PI3: variants seen among roughly 807,000 people sequenced by gnomAD.
PI3 encodes elafin.
In PI3, 4 loss-of-function variants were observed where a neutral mutation model predicts 6.0. The observed-to-expected ratio is 0.67, with a 90% confidence interval of 0.33 to 1.54. The LOEUF (loss-of-function observed/expected upper bound fraction) is 1.54. Among genes scored for constraint, PI3 ranks in the 40% most tolerant of loss-of-function variants. The pLI is 0.06. For missense variants in PI3, 149 were observed against 147.6 expected, an observed-to-expected ratio of 1.01 and a Z score of -0.05; for synonymous variants, 58 against 56.9, an observed-to-expected ratio of 1.02 and a Z score of -0.09.
chr20:45,175,883 T>C lies in PI3; in HGVS notation c.102T>C (p.Thr34=), dbSNP rs143890191. 2.6e-5 allele frequency: 42 copies of C among 1,614,088 alleles called. No homozygotes were observed. The highest frequency in any genetic ancestry group is 3.4e-5 in the Non-Finnish European group (40 of 1,179,948). Residue 34 remains threonine, a synonymous_variant, in exon 2 of 3, where the codon ACT becomes ACC. Transcript: ENST00000243924. ...CAGTTCCTGTTAAAGGTCAAGACAC[T>C]GTCAAAGGCCGTGTTCCATTCAATG... ...VTGVPVKGQD[T]VKGRVPFNGQ...
Position 45,176,072 on chromosome 20 carries a change from C to A in PI3, c.291C>A (p.Asp97Glu), listed in dbSNP as rs760131727. 5 of 1,614,168 alleles carry A rather than the reference C, an allele frequency of 3.1e-6. No homozygotes were observed. Among genetic ancestry groups the A allele is most frequent in the Non-Finnish European group, 4.2e-6 (5 of 1,180,022 alleles). The change falls in exon 2 of 3, where the codon GAC (aspartate) becomes GAA (glutamate). Residue 97 changes from aspartate (D) to glutamate (E), a missense_variant. By Grantham distance (45) the Asp-to-Glu change is conservative. Coordinates refer to ENST00000243924, the MANE Select transcript of PI3 (RefSeq NM_002638.4). Reference sequence around the variant, plus strand: ...CTAACCGCTGCTTGAAAGATACTGACTGCCCAGGAATCAAGAAGTGCTGTG... The same window carrying A: ...CTAACCGCTGCTTGAAAGATACTGAATGCCCAGGAATCAAGAAGTGCTGTG... ...NPPNRCLKDT[D>E]CPGIKKCCEG...
intron 1 of PI3, among the ~76,000 whole-genome samples, chr20:45,175,640 G>A (rs1982774585): frequency 6.6e-6 from 1 of 152,098 alleles, no homozygotes; most frequent in African/African-American, 2.4e-5. Flanking sequence ...GGAGGAAGGG[G>A]GAAGAAACAA....
At chr20:45,175,145 C>T in intron 1 of PI3, 144 bp downstream of exon 1, 2 of 560,434 alleles carry the variant, frequency 3.6e-6, no homozygotes, top group African/African-American at 3.9e-5. Flanking sequence ...CCATCATATT[C>T]AGAAAAAATA....
At chr20:45,176,188 G>A (rs1342958518) in intron 2 of PI3, 52 bp downstream of exon 2, 2 of 1,582,964 alleles carry the variant, frequency 1.3e-6, no homozygotes, top group African/African-American at 1.3e-5. Context: ...AAAGAAGGCT[G>A]AGCGGTGGGG....
chr20:45,176,031 G>T lies in PI3; in HGVS notation c.250G>T (p.Ala84Ser), dbSNP rs780306943. 7.9e-5 allele frequency: 127 copies of T among 1,613,996 alleles called. No homozygotes were observed. In the Middle Eastern group the frequency reaches 1.2e-3, roughly 15 times the overall value. ...CTGCCCCATTATCTTGATCCGGTGC[G>T]CCATGTTGAATCCCCCTAACCGCTG... is the stretch of plus-strand genomic sequence containing the variant. ...GSCPIILIRC[A>S]MLNPPNRCLK... is the part of the protein sequence containing the mutation. The change falls in exon 2 of 3, where the codon GCC (alanine) becomes TCC (serine). Residue 84 changes from alanine (A) to serine (S), a missense_variant. Transcript: ENST00000243924.
chr20:45,175,978 A>G lies in PI3; in HGVS notation c.197A>G (p.Lys66Arg). The G allele has an allele frequency of 6.2e-7, 1 of 1,614,192 alleles. No individual in the cohort carries two copies. The change falls in exon 2 of 3, where the codon AAA (lysine) becomes AGA (arginine). Residue 66 changes from lysine to arginine, a missense_variant. Physicochemically the swap from Lys to Arg is conservative, Grantham distance 26. Coordinates refer to ENST00000243924, the MANE Select transcript of PI3 (RefSeq NM_002638.4). ...AAAGTCAAAGCGCAAGAGCCAGTCA[A>G]AGGTCCAGTCTCCACTAAGCCTGGC... The part of the protein sequence containing the change: ...QDKVKAQEPV[K>R]GPVSTKPGSC...
chr20:45,175,811 AAGC>A (rs1568818150), intron 1 of PI3, 47 bp from the exon 2 acceptor site: 3 of 1,590,378 alleles, frequency 1.9e-6, no homozygotes, highest in Non-Finnish European at 8.6e-7. Context: ...ATGGCAGCTG[AAGC>A]AGAGGCTTAC....
chr20:45,175,073 C>A (rs972287571), intron 1 of PI3, 72 bp downstream of exon 1: 4 of 1,170,726 alleles, frequency 3.4e-6, no homozygotes, highest in East Asian at 2.5e-5. Flanking sequence ...TGGGCCAGGA[C>A]AGGGAGCACT....
intron 2 of PI3, 104 bp from the exon 3 acceptor site, chr20:45,176,266 G>A: frequency 1.2e-6 from 1 of 843,010 alleles, no homozygotes; most frequent in African/African-American, 1.7e-5. Context: ...TGAGGGGTCT[G>A]AGAGGCTATA....
rs2145560263 is a variant in PI3 at position 45,176,098 on chromosome 20, A to G, written c.317A>G (p.Glu106Gly). 6.2e-7 allele frequency: 1 copy of G among 1,614,168 alleles called. No homozygotes were observed. Among genetic ancestry groups the G allele is most frequent in the African/African-American group, 1.3e-5 (1 of 75,046 alleles). The change falls in exon 2 of 3, where the codon GAA becomes GGA. Residue 106 changes from glutamate to glycine, a missense_variant. Transcript: ENST00000243924. ...TGCCCAGGAATCAAGAAGTGCTGTG[A>G]AGGCTCTTGCGGGATGGCCTGTTTC... Reference protein sequence around the residue: ...TDCPGIKKCCEGSCGMACFVP... With the variant: ...TDCPGIKKCCGGSCGMACFVP...
At chr20:45,175,746 A>G (rs1982776844) in intron 1 of PI3, 115 bp from the exon 2 acceptor site, 1 of 1,080,520 alleles carries the variant, frequency 9.3e-7, no homozygotes, top group Non-Finnish European at 1.4e-6. Context: ...TACTCAGGCC[A>G]TGGTTTGAGG....
intron 1 of PI3, 56 bp from the exon 2 acceptor site, chr20:45,175,805 C>T (rs1982778033): frequency 3.8e-6 from 6 of 1,574,114 alleles, no homozygotes; most frequent in Non-Finnish European, 5.2e-6. Flanking sequence ...AAAGACATGG[C>T]AGCTGAAGCA....
Position 45,175,860 on chromosome 20 carries a change from G to A in PI3, c.80-1G>A. On this transcript the variant is annotated splice_acceptor_variant, in intron 1 of 2. Transcript: ENST00000243924. LOFTEE classifies it high-confidence loss of function. ...TGTGGGCTCGTTTCTTCTTTTAACA[G>A]TTCCTGTTAAAGGTCAAGACACTGT... 6.2e-7 allele frequency: 1 copy of A among 1,613,946 alleles called. No individual in the cohort carries two copies. The highest frequency in any genetic ancestry group is 1.3e-5 in the African/African-American group (1 of 74,992).
rs1429153237 is a variant in PI3, at chr20:45,174,955, G to A, written c.33G>A (p.Val11=). Residue 11 remains valine (V), a synonymous_variant, in exon 1 of 3, where the codon GTG becomes GTA. Coordinates refer to ENST00000243924, the MANE Select transcript of PI3 (RefSeq NM_002638.4). ...CCAGCAGCTTCTTGATCGTGGTGGTGTTCCTCATCGCTGGGACGCTGGTTC... is the reference window on the plus strand; with the variant it reads ...CCAGCAGCTTCTTGATCGTGGTGGTATTCCTCATCGCTGGGACGCTGGTTC... MRASSFLIVV[V]FLIAGTLVLE... The A allele has an allele frequency of 6.2e-7, 1 of 1,613,490 alleles. No homozygotes were observed. Among genetic ancestry groups the A allele is most frequent in the African/African-American group, 1.3e-5 (1 of 75,018 alleles).
intron 1 of PI3, among the ~76,000 whole-genome samples, 177 bp downstream of exon 1, chr20:45,175,178 C>T (rs769501318): frequency 2.0e-5 from 3 of 152,206 alleles, no homozygotes; most frequent in Non-Finnish European, 2.9e-5. Flanking sequence ...GTGGACTCCA[C>T]GTGCTTTCCA....
chr20:45,175,824 C>G (rs1301593309), intron 1 of PI3, 37 bp from the exon 2 acceptor site: 3 of 1,606,788 alleles, frequency 1.9e-6, no homozygotes, highest in Non-Finnish European at 2.6e-6. Context: ...CAGAGGCTTA[C>G]TGGGTATAAA....
intron 1 of PI3, 104 bp downstream of exon 1, chr20:45,175,105 G>A: frequency 2.8e-6 from 2 of 713,546 alleles, no homozygotes; most frequent in Non-Finnish European, 4.5e-6. Context: ...AGGCAGCACT[G>A]GAGCCCAGAT....
At position 45,175,939 on chromosome 20, in the gene PI3, T is replaced by G. The variant is rs749053821; in HGVS notation, c.158T>G (p.Val53Gly). 1.2e-6 allele frequency: 2 copies of G among 1,614,170 alleles called. No homozygotes were observed. Residue 53 changes from valine to glycine, a missense_variant, in exon 2 of 3, where the codon GTT becomes GGT. Val to Gly is a moderately radical substitution (Grantham distance 109, BLOSUM62 -3). Coordinates refer to ENST00000243924, the MANE Select transcript of PI3 (RefSeq NM_002638.4). ...GATCCCGTTAAAGGACAAGTTTCAG[T>G]TAAAGGTCAAGATAAAGTCAAAGCG... ...GQDPVKGQVSVKGQDKVKAQE... is the reference protein window; with the variant it reads ...GQDPVKGQVSGKGQDKVKAQE...
rs200142935 is a variant in PI3 at position 45,176,119 on chromosome 20, G to A, written c.338G>A (p.Cys113Tyr). 8.1e-6 allele frequency: 13 copies of A among 1,614,086 alleles called. No homozygotes were observed. Among genetic ancestry groups the A allele is most frequent in the Non-Finnish European group, 8.5e-7 (1 of 1,180,006 alleles). The change falls in exon 2 of 3, where the codon TGT becomes TAT. Residue 113 changes from cysteine to tyrosine, a missense_variant. By Grantham distance (194) the Cys-to-Tyr change is radical. Transcript: ENST00000243924. Reference protein sequence around the residue: ...KCCEGSCGMACFVPQ With the variant: ...KCCEGSCGMAYFVPQ ...TGTGAAGGCTCTTGCGGGATGGCCTGTTTCGTTCCCCAGTGAGGTGAGCAC... is the reference window on the plus strand; with the variant it reads ...TGTGAAGGCTCTTGCGGGATGGCCTATTTCGTTCCCCAGTGAGGTGAGCAC...
Sources: allele counts gnomAD v4.1 joint callset (sites outside exome capture counted in the v4.1 genomes callset), GRCh38; gene constraint gnomAD v4.1.1; transcripts MANE v1.5; gene names NCBI Gene and HGNC (gene_info 2026-07-23, HGNC 2026-07-21).